Variants in LSMEM1 observed in about 807,000 individuals in gnomAD.
LSMEM1 encodes the protein leucine rich single-pass membrane protein 1, also known as leucine-rich single-pass membrane protein 1.
A neutral mutation model predicts 11.3 loss-of-function variants in LSMEM1; 10 were observed. The observed-to-expected ratio is 0.89, with a 90% confidence interval of 0.55 to 1.50. The LOEUF is 1.50. Among genes scored for constraint, LSMEM1 ranks in the 40% most tolerant of loss-of-function variants. The pLI is 0.00. For synonymous variants in LSMEM1, 65 were observed against 59.3 expected (o/e 1.10, Z -0.44); for missense variants, 151 against 152.9 (o/e 0.99, Z 0.06).
At chr7:112,485,496 T>C (rs1458148817) in intron 2 of LSMEM1, among the ~76,000 whole-genome samples, 2 of 152,208 alleles carry the variant, frequency 1.3e-5, no homozygotes, top group Non-Finnish European at 2.9e-5. Context: ...GAGTGCCATC[T>C]TTTCTAGCTT....
At position 112,482,002 on chromosome 7, in the gene LSMEM1, T is replaced by TG. The variant is rs545258990; in HGVS notation, c.-6+659dup. ...TGGAGATGCCAAAGATAGCAACTAC[T>TG]GGGTGTCAAACAGCCGTGGGGCCTG... is the stretch of plus-strand genomic sequence containing the variant. On this transcript the variant is annotated intron_variant, in intron 1 of 3. Coordinates refer to ENST00000312849, the MANE Select transcript of LSMEM1 (RefSeq NM_182597.3). 1.9e-3 allele frequency among the ~76,000 whole-genome samples: 292 copies of TG among 152,364 alleles called. 1 individual carries two copies. Among genetic ancestry groups the TG allele is most frequent in the Middle Eastern group, 0.017 (5 of 294 alleles).
intron 3 of LSMEM1, among the ~76,000 whole-genome samples, chr7:112,488,193 T>G (rs1039756383): frequency 9.9e-5 from 15 of 152,188 alleles, no homozygotes; most frequent in African/African-American, 3.6e-4. Context: ...CCTTTTGCAT[T>G]TAGAAGCTAA....
At chr7:112,483,881 T>C (rs1796080673) in intron 1 of LSMEM1, among the ~76,000 whole-genome samples, 1 of 152,202 alleles carries the variant, frequency 6.6e-6, no homozygotes, top group African/African-American at 2.4e-5. Context: ...TTGATAACCA[T>C]GAAAGGAAAA....
intron 2 of LSMEM1, 88 bp downstream of exon 2, chr7:112,485,031 T>TGGGGGTGTGGG: frequency 8.3e-7 from 1 of 1,199,592 alleles, no homozygotes; most frequent in South Asian, 1.5e-5. Context: ...GTGGGTGTGG[T>TGGGGGTGTGGG]GGAGGGGGAG....
At chr7:112,480,425 A>T (rs918350480), upstream of LSMEM1, among the ~76,000 whole-genome samples, 1 of 152,182 alleles carries the variant, frequency 6.6e-6, no homozygotes, top group Non-Finnish European at 1.5e-5. Flanking sequence ...TGTTTCAAAG[A>T]TGAATAATGT....
rs757785750 is a variant in LSMEM1 at position 112,484,953 on chromosome 7, C to G, written c.127+10C>G. 5 of 1,596,288 alleles carry G rather than the reference C, an allele frequency of 3.1e-6. No homozygotes were observed. Among genetic ancestry groups the G allele is most frequent in the Non-Finnish European group, 4.3e-6 (5 of 1,169,602 alleles). ...TCGCAGCATCTGTTCCGTATGTGTG[C>G]TGGGGAAGGCACAGCAGCCCTTCCT... On this transcript the variant is annotated intron_variant, in intron 2 of 3. Coordinates refer to ENST00000312849, the MANE Select transcript of LSMEM1 (RefSeq NM_182597.3).
At position 112,489,943 on chromosome 7, in the gene LSMEM1, A is replaced by G; in HGVS notation, c.390A>G (p.Gln130=). Residue 130 remains glutamine (Q), a synonymous_variant, in exon 4 of 4, where the codon CAA becomes CAG. Transcript: ENST00000312849. ...AACTCAACCAACTGGACTCTGAACA[A>G]AACTAAAGGAATGATTTTCTGAAAG... The part of the protein sequence containing the change: ...LNQLNQLDSE[Q]N 1 of 1,611,596 alleles carries G rather than the reference A, an allele frequency of 6.2e-7. No individual in the cohort carries two copies. Among genetic ancestry groups the G allele is most frequent in the South Asian group, 1.1e-5 (1 of 90,688 alleles).
rs536575716 is a variant in LSMEM1 at position 112,490,415 on chromosome 7, A to G, written c.*466A>G. 6.5e-6 allele frequency: 1 copy of G among 153,450 alleles called. No homozygotes were observed. The highest frequency in any genetic ancestry group is 1.5e-5 in the Non-Finnish European group (1 of 68,786). The allele number at this position is 153,450 out of a possible 1,614,324, so 9.5% of individuals were successfully genotyped here. A position where few individuals can be genotyped will look rare whatever the true frequency, so the allele number is the denominator to read the frequency against. On this transcript the variant is annotated 3_prime_UTR_variant, in exon 4 of 4. Transcript: ENST00000312849. ...CCAGGTGATTACTCTTTTCAATAAG[A>G]GGGATTCTGCTCAGGTGATTAGACT...
intron 3 of LSMEM1, among the ~76,000 whole-genome samples, chr7:112,488,975 G>A (rs1317792541): frequency 6.6e-6 from 1 of 152,166 alleles, no homozygotes; most frequent in Non-Finnish European, 1.5e-5. Flanking sequence ...AGGTCACGTT[G>A]CTAATAAGTG....
chr7:112,481,048 G>T lies in LSMEM1; in HGVS notation c.-304G>T, dbSNP rs1379591656. 2.9e-6 allele frequency: 1 copy of T among 348,514 alleles called. No individual in the cohort carries two copies. Among genetic ancestry groups the T allele is most frequent in the Non-Finnish European group, 5.6e-6 (1 of 177,786 alleles). 21.6% of individuals were successfully genotyped at this position (348,514 alleles called of 1,614,324 possible). The stretch of plus-strand genomic sequence containing the variant: ...AATCAGGGCATGGTGTTTTTTTGTT[G>T]TTTTCTTTTTAAAGCATAGTTTTAG... On this transcript the variant is annotated 5_prime_UTR_variant, in exon 1 of 4. Transcript: ENST00000312849.
At chr7:112,480,970 C>T, upstream of LSMEM1, 1 of 449,584 alleles carries the variant, frequency 2.2e-6, no homozygotes, top group Non-Finnish European at 4.5e-6. Context: ...GTTGCTTCAG[C>T]CAGATAAGGA....
At chr7:112,484,750 T>G (rs1281715046) in intron 1 of LSMEM1, 62 bp from the exon 2 acceptor site, 1 of 1,565,410 alleles carries the variant, frequency 6.4e-7, no homozygotes, top group East Asian at 2.3e-5. Flanking sequence ...GTGGCTGTGG[T>G]TCTTGTGAAG....
At chr7:112,485,031 T>TGGGGGGGGTGGG in intron 2 of LSMEM1, 88 bp downstream of exon 2, 1 of 1,199,592 alleles carries the variant, frequency 8.3e-7, no homozygotes, top group Non-Finnish European at 1.1e-6. Context: ...GTGGGTGTGG[T>TGGGGGGGGTGGG]GGAGGGGGAG....
At chr7:112,489,535 G>A (rs1263977603) in intron 3 of LSMEM1, among the ~76,000 whole-genome samples, 1 of 152,182 alleles carries the variant, frequency 6.6e-6, no homozygotes, top group East Asian at 1.9e-4. Context: ...GCTTCCTTTG[G>A]TTGCTCACAG....
Position 112,487,088 on chromosome 7 carries a change from A to G in LSMEM1, c.256+37A>G. ...CACAGGTTTCTTTTTTATTACTTGTATGCATTTATTCATAGCTGGTTAACT... is the reference window on the plus strand; with the variant it reads ...CACAGGTTTCTTTTTTATTACTTGTGTGCATTTATTCATAGCTGGTTAACT... On this transcript the variant is annotated intron_variant, in intron 3 of 3. Transcript: ENST00000312849. 5 of 1,606,652 alleles carry G rather than the reference A, an allele frequency of 3.1e-6. No homozygotes were observed. The South Asian group carries it at 3.3e-5, about 11-fold the overall frequency.
rs1044918737 is a variant in LSMEM1 at position 112,490,537 on chromosome 7, C to T, written c.*588C>T. On this transcript the variant is annotated 3_prime_UTR_variant, in exon 4 of 4. Coordinates refer to ENST00000312849, the MANE Select transcript of LSMEM1 (RefSeq NM_182597.3). The stretch of plus-strand genomic sequence containing the variant: ...AAACATGAGCAGTAGTTATGTGGGG[C>T]TGAGAGTCAAAAGGGAAAGCCTAAT... 1 of 152,388 alleles carries T rather than the reference C, an allele frequency of 6.6e-6. No homozygotes were observed. Among genetic ancestry groups the T allele is most frequent in the Non-Finnish European group, 1.5e-5 (1 of 68,210 alleles). The allele number at this position is 152,388 out of a possible 1,614,324, so 9.4% of individuals were successfully genotyped here. A position where few individuals can be genotyped will look rare whatever the true frequency, so the allele number is the denominator to read the frequency against.
At position 112,489,856 on chromosome 7, in the gene LSMEM1, T is replaced by G. The variant is rs1391263604; in HGVS notation, c.303T>G (p.Ala101=). Reference sequence around the variant, plus strand: ...ATGATGTGTCAAGAAGACTAACAGCTGAAGGAAAAGACATAGATGATCTTA... The same window carrying G: ...ATGATGTGTCAAGAAGACTAACAGCGGAAGGAAAAGACATAGATGATCTTA... ...KMDDVSRRLT[A]EGKDIDDLKR... is the part of the protein sequence containing the mutation. Residue 101 remains alanine, a synonymous_variant, in exon 4 of 4, where the codon GCT becomes GCG. Coordinates refer to ENST00000312849, the MANE Select transcript of LSMEM1 (RefSeq NM_182597.3). The G allele has an allele frequency of 2.5e-6, 4 of 1,613,886 alleles. No homozygotes were observed. The highest frequency in any genetic ancestry group is 3.4e-6 in the Non-Finnish European group (4 of 1,179,944).
In LSMEM1 at chr7:112,487,061, A is replaced by G. The variant is rs976048122; in HGVS notation, c.256+10A>G. ...GTGATATTTCTAATAGGTAAGTACC[A>G]CCACAGGTTTCTTTTTTATTACTTG... is the stretch of plus-strand genomic sequence containing the variant. On this transcript the variant is annotated intron_variant, in intron 3 of 3. Coordinates refer to ENST00000312849, the MANE Select transcript of LSMEM1 (RefSeq NM_182597.3). 2 of 1,610,684 alleles carry G rather than the reference A, an allele frequency of 1.2e-6. No homozygotes were observed. Among genetic ancestry groups the G allele is most frequent in the Admixed American group, 3.4e-5 (2 of 58,914 alleles).
intron 1 of LSMEM1, 46 bp downstream of exon 1, chr7:112,481,392 T>C (rs1192702892): frequency 1.3e-5 from 2 of 152,462 alleles, no homozygotes; most frequent in East Asian, 3.9e-4. Flanking sequence ...GAATTATGAT[T>C]CTCGAGTCTG....
Sources: allele counts gnomAD v4.1 joint callset (sites outside exome capture counted in the v4.1 genomes callset), GRCh38; gene constraint gnomAD v4.1.1; transcripts MANE v1.5; gene names NCBI Gene and HGNC (gene_info 2026-07-23, HGNC 2026-07-21).